Variants in MAP2 observed in about 807,000 individuals in gnomAD.
MAP2 encodes microtubule associated protein 2, also known as microtubule-associated protein 2.
Under a neutral mutation model 137.6 loss-of-function variants are expected in MAP2, and 14 were observed. The observed-to-expected ratio is 0.10, with a 90% CI of 0.07 to 0.16. MAP2 has a LOEUF of 0.16. MAP2 is among the 10% of genes least tolerant of loss of function. The pLI, the probability that MAP2 is intolerant of heterozygous loss-of-function variation, is 1.00. For missense variants in MAP2, 2,088 were observed against 2,191.5 expected (o/e 0.95, Z 0.94); for synonymous variants, 786 against 782.3 (o/e 1.00, Z -0.08).
intron 5 of MAP2, 41 bp from the exon 6 acceptor site, chr2:209,678,531 C>T (rs769915804): frequency 3.8e-6 from 4 of 1,047,274 alleles, no homozygotes; most frequent in Admixed American, 2.4e-5. Flanking sequence ...CTTTCTCAGA[C>T]TTCTCATCGT....
At chr2:209,721,031 A>ATTG (rs2070572561) in intron 13 of MAP2, among the ~76,000 whole-genome samples, 1 of 151,828 alleles carries the variant, frequency 6.6e-6, no homozygotes, top group Non-Finnish European at 1.5e-5. Context: ...GCTTCTGAGG[A>ATTG]CTGCTGTTAT....
chr2:209,492,817 T>C (rs2059287170), intron 1 of MAP2, among the ~76,000 whole-genome samples: 1 of 152,194 alleles, frequency 6.6e-6, no homozygotes, highest in African/African-American at 2.4e-5. Context: ...AAACATTCCA[T>C]GCTGATGGAT....
chr2:209,484,022 GAT>G (rs1482071702), intron 1 of MAP2, among the ~76,000 whole-genome samples: 1 of 151,998 alleles, frequency 6.6e-6, no homozygotes, highest in East Asian at 1.9e-4. Context: ...TTGAACTTCT[GAT>G]ATGTTAGACA....
chr2:209,609,151 C>G (rs1378100204), intron 3 of MAP2, among the ~76,000 whole-genome samples: 1 of 151,370 alleles, frequency 6.6e-6, no homozygotes, highest in Non-Finnish European at 1.5e-5. Flanking sequence ...AATTTAATGC[C>G]TAATATATAG....
intron 4 of MAP2, among the ~76,000 whole-genome samples, chr2:209,648,496 A>G (rs1287196399): frequency 1.3e-5 from 2 of 151,998 alleles, no homozygotes; most frequent in African/African-American, 4.8e-5. Context: ...TCCCATTGCA[A>G]TATATTATAA....
rs777568215 is a variant in MAP2, at chr2:209,678,673, G to C, written c.364G>C (p.Ala122Pro). 5.6e-6 allele frequency: 9 copies of C among 1,597,250 alleles called. No homozygotes were observed. Among genetic ancestry groups the C allele is most frequent in the Non-Finnish European group, 6.8e-6 (8 of 1,170,544 alleles). ...AGCTCAACATAAAGACCAGACTGCAGCTCTGCCTTTAGGTAAATAAGAAGA... is the reference window on the plus strand; with the variant it reads ...AGCTCAACATAAAGACCAGACTGCACCTCTGCCTTTAGGTAAATAAGAAGA... ...KEAQHKDQTA[A>P]LPLAAEETAN... The change falls in exon 6 of 16, where the codon GCT (alanine) becomes CCT (proline). Residue 122 changes from alanine to proline, a missense_variant. Around this residue, in one of 6 missense-constraint regions of MAP2, gnomAD observed 859 missense variants for 794.5 expected, o/e 1.08. Coordinates refer to ENST00000682079, the MANE Select transcript of MAP2 (RefSeq NM_001375505.1).
At chr2:209,524,739 C>T (rs2063770431) in intron 2 of MAP2, among the ~76,000 whole-genome samples, 1 of 152,140 alleles carries the variant, frequency 6.6e-6, no homozygotes, top group Admixed American at 6.5e-5. Context: ...CTTGCCTGAA[C>T]ACTGGGAAAT....
At chr2:209,641,789 A>C (rs945498253) in intron 4 of MAP2, among the ~76,000 whole-genome samples, 1 of 152,132 alleles carries the variant, frequency 6.6e-6, no homozygotes, top group Non-Finnish European at 1.5e-5. Flanking sequence ...GCTATTTATT[A>C]GTCCTCTGAT....
chr2:209,528,844 A>G (rs1278318709), intron 2 of MAP2, among the ~76,000 whole-genome samples: 1 of 151,062 alleles, frequency 6.6e-6, no homozygotes, highest in Non-Finnish European at 1.5e-5. Context: ...GTATGTATAT[A>G]TATGTGTGTG....
chr2:209,518,421 G>C (rs1299254693), intron 2 of MAP2, among the ~76,000 whole-genome samples: 25 of 152,088 alleles, frequency 1.6e-4, no homozygotes, highest in African/African-American at 6.0e-4. Context: ...AGCCACAATA[G>C]AGAGTTAGAG....
chr2:209,697,788 C>T (rs575243980), intron 10 of MAP2, among the ~76,000 whole-genome samples: 25 of 152,274 alleles, frequency 1.6e-4, no homozygotes, highest in African/African-American at 5.8e-4. Context: ...AGCTAAAACT[C>T]TTCCTTTTAG....
intron 2 of MAP2, among the ~76,000 whole-genome samples, chr2:209,568,245 A>C (rs1453927331): frequency 2.0e-5 from 3 of 151,970 alleles, no homozygotes; most frequent in Non-Finnish European, 4.4e-5. Flanking sequence ...CAGCCAAGAG[A>C]ATAAGTCTGG....
Position 209,697,092 on chromosome 2 carries a change from A to G in MAP2, c.4522+41A>G, listed in dbSNP as rs1466887527. The stretch of plus-strand genomic sequence containing the variant: ...TGCAATGTGACTGGCAAACATAGAC[A>G]TGTATTTTTTTTTTAAATCTCATTA... On this transcript the variant is annotated intron_variant, in intron 10 of 15. Coordinates refer to ENST00000682079, the MANE Select transcript of MAP2 (RefSeq NM_001375505.1). 4.6e-6 allele frequency: 7 copies of G among 1,531,732 alleles called. No homozygotes were observed. In the East Asian group the frequency reaches 9.3e-5, roughly 20 times the overall value. The allele number at this position is 1,531,732 out of a possible 1,614,324, so 94.9% of individuals were successfully genotyped here.
At chr2:209,663,971 G>A (rs185979639) in intron 5 of MAP2, among the ~76,000 whole-genome samples, 81 of 152,294 alleles carry the variant, frequency 5.3e-4, no homozygotes, top group Admixed American at 1.4e-3. Context: ...AAGGTTCTCG[G>A]AAATCTACCA....
intron 1 of MAP2, among the ~76,000 whole-genome samples, chr2:209,441,192 C>T (rs1697672602): frequency 6.6e-6 from 1 of 151,440 alleles, no homozygotes; most frequent in South Asian, 2.1e-4. Context: ...AGATTATATT[C>T]ACCCTTCCTG....
rs149345141 is a variant in MAP2, at chr2:209,642,233, A to C, written c.-29-10909A>C. On this transcript the variant is annotated intron_variant, in intron 4 of 15. Transcript: ENST00000682079. The stretch of plus-strand genomic sequence containing the variant: ...TGAGGCAGAGGAATTGCTTGAGGCC[A>C]GGATTCCAGGCAACATAACAAGACC... Among the ~76,000 whole-genome samples the C allele has an allele frequency of 4.4e-3, 662 of 152,028 alleles. 3 individuals are homozygous for C. Among genetic ancestry groups the C allele is most frequent in the Non-Finnish European group, 7.3e-3 (493 of 67,948 alleles).
chr2:209,723,380 A>G (rs1348182354), intron 13 of MAP2, among the ~76,000 whole-genome samples: 1 of 152,156 alleles, frequency 6.6e-6, no homozygotes, highest in Non-Finnish European at 1.5e-5. Context: ...GGGATTTCTT[A>G]GCCTCTCTCG....
At chr2:209,598,216 A>G (rs1002580218) in intron 3 of MAP2, among the ~76,000 whole-genome samples, 3 of 151,780 alleles carry the variant, frequency 2.0e-5, no homozygotes, top group African/African-American at 7.3e-5. Flanking sequence ...CATATTGGCC[A>G]GGCTGGTCGC....
intron 13 of MAP2, among the ~76,000 whole-genome samples, chr2:209,711,722 T>C (rs577757823): frequency 1.3e-5 from 2 of 152,276 alleles, no homozygotes; most frequent in South Asian, 4.1e-4. Flanking sequence ...TTTATATTTA[T>C]ACATAAATAA....
Sources: allele counts gnomAD v4.1 joint callset (sites outside exome capture counted in the v4.1 genomes callset), GRCh38; gene constraint gnomAD v4.1.1; regional missense constraint gnomAD v4.1.1; transcripts MANE v1.5; gene names NCBI Gene and HGNC (gene_info 2026-07-23, HGNC 2026-07-21).